Variants in NBAS observed in about 807,000 individuals in gnomAD.
NBAS encodes the protein NAG/BC035112 fusion.
A neutral mutation model predicts 302.5 loss-of-function variants in NBAS; 219 were observed. That is an observed-to-expected ratio of 0.72 (90% CI 0.65 to 0.81). The LOEUF (loss-of-function observed/expected upper bound fraction) is 0.81. NBAS is among the 30% of genes least tolerant of loss of function. NBAS has a pLI of 0.00. For synonymous variants in NBAS, 1,118 were observed against 1,021.6 expected (o/e 1.09, Z -1.80); for missense variants, 2,932 against 2,841.6 (o/e 1.03, Z -0.72).
chr2:15,560,370 C>G lies in NBAS; in HGVS notation c.117+818G>C, dbSNP rs141624397. ...TCCCAAGATCCAGTCCATAAATTAT[C>G]AACCTCTATAACCCTTCTGTAGCGG... On this transcript the variant is annotated intron_variant, in intron 1 of 51. Transcript: ENST00000281513. Among the ~76,000 whole-genome samples the G allele has an allele frequency of 4.5e-3, 692 of 152,260 alleles. 3 individuals are homozygous for G. Among genetic ancestry groups the G allele is most frequent in the Middle Eastern group, 0.027 (8 of 294 alleles).
At chr2:15,138,601 G>T in the NBAS span, among the ~76,000 whole-genome samples, 1 of 152,052 alleles carries the variant, frequency 6.6e-6, no homozygotes, top group African/African-American at 2.4e-5. Context: ...ACCTGAGAAT[G>T]AAGACCACTC....
At chr2:15,203,196 G>A (rs1464761374) in intron 48 of NBAS, among the ~76,000 whole-genome samples, 1 of 152,016 alleles carries the variant, frequency 6.6e-6, no homozygotes, top group Non-Finnish European at 1.5e-5. Context: ...GAGCATCTAT[G>A]GTAGCTACTA....
At chr2:14,795,268 T>A in the NBAS span, among the ~76,000 whole-genome samples, 2 of 152,204 alleles carry the variant, frequency 1.3e-5, no homozygotes, top group Non-Finnish European at 2.9e-5. Context: ...AAACACCTAG[T>A]ATCGTCAGTC....
At chr2:15,409,662 A>G (rs1236456813) in intron 25 of NBAS, among the ~76,000 whole-genome samples, 19 of 151,780 alleles carry the variant, frequency 1.3e-4, no homozygotes. Flanking sequence ...TTCCTATCTC[A>G]TGTCTTTATT....
the NBAS span, among the ~76,000 whole-genome samples, chr2:15,045,479 G>A: frequency 1.3e-5 from 2 of 152,032 alleles, no homozygotes; most frequent in Admixed American, 1.3e-4. Flanking sequence ...CACCCAAAAT[G>A]TCTTTCCCAA....
intron 44 of NBAS, among the ~76,000 whole-genome samples, chr2:15,243,285 C>T (rs1396480105): frequency 6.6e-6 from 1 of 152,142 alleles, no homozygotes; most frequent in Non-Finnish European, 1.5e-5. Flanking sequence ...TATACCATTT[C>T]AGAGCCGGGC....
chr2:15,435,431 T>C (rs1210792643), intron 21 of NBAS, among the ~76,000 whole-genome samples: 1 of 152,204 alleles, frequency 6.6e-6, no homozygotes, highest in Non-Finnish European at 1.5e-5. Flanking sequence ...AGTACTTAAC[T>C]ATCTGCAAGC....
chr2:15,540,580 A>G (rs920759828), intron 6 of NBAS, among the ~76,000 whole-genome samples: 4 of 152,030 alleles, frequency 2.6e-5, no homozygotes, highest in African/African-American at 9.7e-5. Flanking sequence ...ATGCCTCAAT[A>G]TATATGAAAG....
chr2:14,917,769 A>G, the NBAS span, among the ~76,000 whole-genome samples: 1 of 152,196 alleles, frequency 6.6e-6, no homozygotes, highest in Non-Finnish European at 1.5e-5. Context: ...ATTTTATATG[A>G]AAACACCACA....
chr2:15,250,700 T>C (rs557688340), intron 44 of NBAS, among the ~76,000 whole-genome samples: 15 of 152,268 alleles, frequency 9.9e-5, no homozygotes, highest in Non-Finnish European at 1.6e-4. Flanking sequence ...CCAACAAGCA[T>C]ATGAAAAAAG....
the NBAS span, among the ~76,000 whole-genome samples, chr2:15,027,485 T>C: frequency 6.6e-6 from 1 of 152,136 alleles, no homozygotes; most frequent in African/African-American, 2.4e-5. Context: ...ATAGCTCCTA[T>C]ATCTAGCCAC....
At chr2:15,059,677 G>A in the NBAS span, among the ~76,000 whole-genome samples, 1 of 152,162 alleles carries the variant, frequency 6.6e-6, no homozygotes, top group South Asian at 2.1e-4. Flanking sequence ...CCCAGAGAAA[G>A]GCAATCATGT....
chr2:14,916,180 A>C, the NBAS span, among the ~76,000 whole-genome samples: 1 of 152,112 alleles, frequency 6.6e-6, no homozygotes, highest in Non-Finnish European at 1.5e-5. Flanking sequence ...CCTGGGCTTT[A>C]ATGTGTTTCG....
chr2:14,875,522 A>G, the NBAS span, among the ~76,000 whole-genome samples: 3 of 152,192 alleles, frequency 2.0e-5, no homozygotes, highest in Admixed American at 2.0e-4. Context: ...AGGCTGAGGC[A>G]GGAGAATCAC....
the NBAS span, among the ~76,000 whole-genome samples, chr2:15,039,638 A>G: frequency 6.6e-6 from 1 of 152,224 alleles, no homozygotes; most frequent in Non-Finnish European, 1.5e-5. Flanking sequence ...CCATGACTTT[A>G]AAACAAATCC....
At chr2:15,430,763 A>C (rs1677722832) in intron 21 of NBAS, among the ~76,000 whole-genome samples, 1 of 152,048 alleles carries the variant, frequency 6.6e-6, no homozygotes, top group Non-Finnish European at 1.5e-5. Flanking sequence ...CCCTCCATGC[A>C]TCAGGAGCCA....
chr2:15,236,038 C>T (rs1463956896), intron 45 of NBAS, among the ~76,000 whole-genome samples: 2 of 152,042 alleles, frequency 1.3e-5, no homozygotes, highest in African/African-American at 2.4e-5. Context: ...GGGATAAATG[C>T]ATGGGGTTGA....
At chr2:15,288,760 T>A (rs1458201398) in intron 41 of NBAS, among the ~76,000 whole-genome samples, 1 of 152,122 alleles carries the variant, frequency 6.6e-6, no homozygotes, top group African/African-American at 2.4e-5. Flanking sequence ...AGAAAAGAAA[T>A]CTCTTACTAT....
chr2:14,850,127 G>C, the NBAS span, among the ~76,000 whole-genome samples: 1 of 135,188 alleles, frequency 7.4e-6, no homozygotes, highest in South Asian at 2.2e-4. Flanking sequence ...AAAAGGCACA[G>C]ACTGGCAAAT....
Sources: gnomAD v4.1 joint callset for allele counts (sites outside exome capture counted in the v4.1 genomes callset) on GRCh38, gnomAD v4.1.1 for gene constraint, MANE v1.5 for transcripts, NCBI Gene and HGNC (gene_info 2026-07-23, HGNC 2026-07-21) for gene names.